CPLANE1: variants seen among roughly 807,000 people sequenced by gnomAD.
CPLANE1 encodes ciliogenesis and planar polarity effector 1.
CPLANE1 carries 263 observed loss-of-function variants against 362.5 expected under a neutral mutation model. The observed-to-expected ratio is 0.73, with a 90% CI of 0.66 to 0.80. The LOEUF is 0.80. CPLANE1 is among the 30% of genes least tolerant of loss of function. The pLI is 0.00. For synonymous variants in CPLANE1, 1,212 were observed against 1,302.6 expected (o/e 0.93, Z 1.50); for missense variants, 3,461 against 3,793.4 (o/e 0.91, Z 2.30).
At chr5:37,153,078 G>A (rs911333304) in intron 42 of CPLANE1, among the ~76,000 whole-genome samples, 1 of 152,000 alleles carries the variant, frequency 6.6e-6, no homozygotes, top group African/African-American at 2.4e-5. Context: ...TTCTAGTTTT[G>A]TAATTCATGT....
chr5:37,105,554 A>G (rs1312625116), downstream of CPLANE1, among the ~76,000 whole-genome samples: 1 of 152,246 alleles, frequency 6.6e-6, no homozygotes, highest in Non-Finnish European at 1.5e-5. Flanking sequence ...TGAAACTATG[A>G]AACTACTTGA....
chr5:37,101,260 TATC>T (rs934466341), downstream of CPLANE1, among the ~76,000 whole-genome samples: 5 of 152,234 alleles, frequency 3.3e-5, no homozygotes, highest in African/African-American at 1.2e-4. Flanking sequence ...ATATGGCTCT[TATC>T]ATTTAGAGGT....
At chr5:37,145,743 C>T (rs926976430) in intron 43 of CPLANE1, among the ~76,000 whole-genome samples, 1 of 151,508 alleles carries the variant, frequency 6.6e-6, no homozygotes, top group Non-Finnish European at 1.5e-5. Flanking sequence ...AAAAGAGGGA[C>T]AAAAGTAAAG....
intron 46 of CPLANE1, among the ~76,000 whole-genome samples, chr5:37,133,034 C>T (rs1051820557): frequency 6.6e-6 from 1 of 152,016 alleles, no homozygotes; most frequent in Non-Finnish European, 1.5e-5. Context: ...GTCATTTCCC[C>T]TGCCTTTCCC....
intron 16 of CPLANE1, chr5:37,210,568 G>A (rs1025999684): frequency 1.4e-4 from 220 of 1,534,380 alleles, no homozygotes; most frequent in Admixed American, 1.1e-4. Context: ...TCTATAAATC[G>A]CATGAAAGAA....
rs754052227 is a variant in CPLANE1 at position 37,177,605 on chromosome 5, CT to C, written c.5900+15del. On this transcript the variant is annotated intron_variant, in intron 30 of 52. Transcript: ENST00000651892. ...GTAACCAGTGACAATCACTGTCATACTTTTTTCCCCCTTACCCTTTTTGTTC... is the reference window on the plus strand; with the variant it reads ...GTAACCAGTGACAATCACTGTCATACTTTTTCCCCCTTACCCTTTTTGTTC... 2.5e-5 allele frequency: 40 copies of C among 1,599,390 alleles called. No homozygotes were observed. In the East Asian group the frequency reaches 4.5e-4, roughly 18 times the overall value.
intron 49 of CPLANE1, among the ~76,000 whole-genome samples, chr5:37,120,685 C>T (rs1561311620): frequency 6.6e-6 from 1 of 152,198 alleles, no homozygotes; most frequent in Admixed American, 6.5e-5. Flanking sequence ...ACAAATTATT[C>T]TTTGTATCTC....
At chr5:37,124,232 A>G (rs1283588627) in intron 47 of CPLANE1, among the ~76,000 whole-genome samples, 5 of 152,180 alleles carry the variant, frequency 3.3e-5, no homozygotes, top group African/African-American at 9.7e-5. Flanking sequence ...ATGAAGGGAT[A>G]TTGTATTTTA....
intron 50 of CPLANE1, among the ~76,000 whole-genome samples, chr5:37,118,850 A>G (rs1761817613): frequency 6.6e-6 from 1 of 151,748 alleles, no homozygotes; most frequent in South Asian, 2.1e-4. Flanking sequence ...AGTAGCTGGG[A>G]CTACAGGCGC....
At chr5:37,104,267 T>C (rs934904211), downstream of CPLANE1, among the ~76,000 whole-genome samples, 2 of 152,172 alleles carry the variant, frequency 1.3e-5, no homozygotes, top group African/African-American at 4.8e-5. Context: ...GCTCCTGTAG[T>C]TTTATCATGG....
chr5:37,209,961 C>T lies in CPLANE1; in HGVS notation c.2921-3536G>A, dbSNP rs1792111049. On this transcript the variant is annotated intron_variant, in intron 16 of 52. Transcript: ENST00000651892. The surrounding 1 kb of genome is among the most constrained non-coding windows in gnomAD (Gnocchi z 4.6). ...CAAGTTTGAGTCTTTAGAAATAAAG[C>T]TAAATGAATATAAGAGAGAAATAGA... 5 of 1,067,932 alleles carry T rather than the reference C, an allele frequency of 4.7e-6. No individual in the cohort carries two copies. The South Asian group carries it at 6.3e-5, about 14-fold the overall frequency. 66.2% of individuals were successfully genotyped at this position (1,067,932 alleles called of 1,614,324 possible).
chr5:37,174,853 TCTATCTTTTC>T (rs1462007063), intron 31 of CPLANE1, among the ~76,000 whole-genome samples: 1 of 152,228 alleles, frequency 6.6e-6, no homozygotes, highest in African/African-American at 2.4e-5. Context: ...TTACAACTGA[TCTATCTTTTC>T]CTTTTCTGCC....
At chr5:37,078,505 GAACATACGC>G in the CPLANE1 span, among the ~76,000 whole-genome samples, 6 of 152,132 alleles carry the variant, frequency 3.9e-5, no homozygotes, top group Non-Finnish European at 7.4e-5. Context: ...GTGCTGCAGT[GAACATACGC>G]ATCCATGTAT....
intron 46 of CPLANE1, among the ~76,000 whole-genome samples, chr5:37,130,217 A>C (rs1053252172): frequency 6.6e-6 from 1 of 152,164 alleles, no homozygotes; most frequent in Non-Finnish European, 1.5e-5. Flanking sequence ...GATAACAATG[A>C]ACTTCAGGGA....
chr5:37,198,715 T>G lies in CPLANE1; in HGVS notation c.3659A>C (p.Lys1220Thr). The G allele has an allele frequency of 1.2e-6, 2 of 1,613,666 alleles. No homozygotes were observed. The highest frequency in any genetic ancestry group is 1.7e-6 in the Non-Finnish European group (2 of 1,179,758). The change falls in exon 20 of 53, where the codon AAA becomes ACA. Residue 1220 changes from lysine to threonine, a missense_variant. Physicochemically the swap from Lys to Thr is moderately conservative, Grantham distance 78. This residue lies in a region of CPLANE1 where 3,380 missense variants were observed against 3,666.1 expected (regional missense o/e 0.92). Transcript: ENST00000651892. ...WYILQLRWAR[K>T]VMQKIRMKGS... ...ATATTTCCATACCTTCTGCATGACT[T>G]TTCTTGCCCACCTCAACTGCAATAT...
chr5:37,080,935 C>T, the CPLANE1 span, among the ~76,000 whole-genome samples: 1 of 152,206 alleles, frequency 6.6e-6, no homozygotes, highest in African/African-American at 2.4e-5. Flanking sequence ...TATCTTTGAA[C>T]TGCCTACATG....
chr5:37,233,266 C>T (rs1580956165), intron 8 of CPLANE1, among the ~76,000 whole-genome samples: 1 of 152,156 alleles, frequency 6.6e-6, no homozygotes, highest in African/African-American at 2.4e-5. Flanking sequence ...GGAGACCAGG[C>T]ACTCTCAGGC....
At chr5:37,181,032 G>T in intron 26 of CPLANE1, 27 bp from the exon 27 acceptor site, 1 of 1,587,620 alleles carries the variant, frequency 6.3e-7, no homozygotes, top group Non-Finnish European at 8.6e-7. Context: ...AAAGTATTTA[G>T]TATTTATTGA....
chr5:37,140,198 G>A (rs1479854143), intron 44 of CPLANE1: 1 of 870,372 alleles, frequency 1.1e-6, no homozygotes, highest in Non-Finnish European at 1.4e-6. Context: ...CTAAAAACAG[G>A]ATTGAATTAA....
Sources: allele counts gnomAD v4.1 joint callset (sites outside exome capture counted in the v4.1 genomes callset), GRCh38; gene constraint gnomAD v4.1.1; regional missense constraint gnomAD v4.1.1; non-coding constraint Gnocchi (gnomAD v3.1); transcripts MANE v1.5; gene names NCBI Gene and HGNC (gene_info 2026-07-23, HGNC 2026-07-21).